RNPC3: variants seen among roughly 807,000 people sequenced by gnomAD.
RNPC3 encodes the protein RNA binding region (RNP1, RRM) containing 3, also known as RNA-binding region-containing protein 3.
A neutral mutation model predicts 67.5 loss-of-function variants in RNPC3; 48 were observed. That is an observed-to-expected ratio of 0.71 (90% CI 0.56 to 0.90). The LOEUF is 0.90. Among genes scored for constraint, RNPC3 ranks in the 40% least tolerant of loss-of-function variants. RNPC3 has a pLI of 0.00. For synonymous variants in RNPC3, 239 were observed against 210.3 expected (o/e 1.14, Z -1.18); for missense variants, 637 against 626.1 (o/e 1.02, Z -0.19).
chr1:103,529,373 G>C (rs996807284), intron 2 of RNPC3, among the ~76,000 whole-genome samples: 3 of 152,138 alleles, frequency 2.0e-5, no homozygotes, highest in Non-Finnish European at 4.4e-5. Context: ...AGAGGACATG[G>C]AGCCAGTCAT....
intron 14 of RNPC3, 121 bp downstream of exon 14, chr1:103,551,913 A>G (rs1312387981): frequency 8.8e-6 from 5 of 569,604 alleles, no homozygotes; most frequent in Non-Finnish European, 1.2e-5. Context: ...GGAAATACCT[A>G]TCTGTGCAGT....
chr1:103,534,802 GAA>G lies in RNPC3; in HGVS notation c.395_396del (p.Lys132ArgfsTer49). The G allele has an allele frequency of 6.5e-7, 1 of 1,528,458 alleles. No individual in the cohort carries two copies. The highest frequency in any genetic ancestry group is 8.8e-7 in the Non-Finnish European group (1 of 1,142,426). 94.7% of individuals were successfully genotyped at this position (1,528,458 alleles called of 1,614,324 possible). On this transcript the variant is annotated frameshift_variant, in exon 4 of 15. Transcript: ENST00000423855. LOFTEE classifies it high-confidence loss of function. ...RSDDPVEDDK[E>X]KKELGYLTVE... Reference sequence around the variant, plus strand: ...TGATGACCCTGTCGAAGATGATAAAGAAAAAAAAGAACTTGGTTATTTAACAG... The same window carrying G: ...TGATGACCCTGTCGAAGATGATAAAGAAAAAAGAACTTGGTTATTTAACAG...
At chr1:103,534,661 T>G in intron 3 of RNPC3, 113 bp from the exon 4 acceptor site, 1 of 643,948 alleles carries the variant, frequency 1.6e-6, no homozygotes, top group Non-Finnish European at 2.6e-6. Context: ...TTTTTTTTTT[T>G]TTTAATGAAG....
intron 11 of RNPC3, chr1:103,546,655 A>G (rs1288768102): frequency 1.9e-5 from 6 of 324,284 alleles, no homozygotes; most frequent in Non-Finnish European, 3.3e-5. Context: ...AAAGTGTGGC[A>G]GGATTGGTTC....
intron 2 of RNPC3, among the ~76,000 whole-genome samples, chr1:103,528,630 C>G (rs1650771504): frequency 6.6e-6 from 1 of 152,112 alleles, no homozygotes; most frequent in African/African-American, 2.4e-5. Flanking sequence ...GATGAATTCA[C>G]TTGTCATCTG....
In RNPC3 at chr1:103,534,853, C is replaced by T; in HGVS notation, c.439C>T (p.His147Tyr). The T allele has an allele frequency of 6.6e-7, 1 of 1,519,672 alleles. No individual in the cohort carries two copies. The allele number at this position is 1,519,672 out of a possible 1,614,324, so 94.1% of individuals were successfully genotyped here. A position where few individuals can be genotyped will look rare whatever the true frequency, so the allele number is the denominator to read the frequency against. The part of the protein sequence containing the change: ...LTVENGIAPN[H>Y]GLTFPLNSCL... ...AGTAGAAAATGGAATTGCACCAAAC[C>T]ATGGGTTAGCATTTTTGTTTGCTTT... is the stretch of plus-strand genomic sequence containing the variant. The change falls in exon 4 of 15, where the codon CAT (histidine) becomes TAT (tyrosine). Residue 147 changes from histidine (H) to tyrosine (Y), a missense_variant. This residue lies in a region of RNPC3 where 536 missense variants were observed against 500.3 expected (regional missense o/e 1.07). Coordinates refer to ENST00000423855, the MANE Select transcript of RNPC3 (RefSeq NM_017619.4).
At chr1:103,527,521 A>G (rs2101040776) in intron 1 of RNPC3, among the ~76,000 whole-genome samples, 174 bp from the exon 2 acceptor site, 1 of 152,332 alleles carries the variant, frequency 6.6e-6, no homozygotes, top group African/African-American at 2.4e-5. Context: ...GTCTGACTCA[A>G]AAAGTATTGA....
intron 4 of RNPC3, among the ~76,000 whole-genome samples, 160 bp from the exon 5 acceptor site, chr1:103,535,170 T>C (rs1305454952): frequency 6.6e-6 from 1 of 152,002 alleles, no homozygotes; most frequent in Non-Finnish European, 1.5e-5. Context: ...ATGCAGTAGC[T>C]TATTTTTCTT....
intron 2 of RNPC3, among the ~76,000 whole-genome samples, chr1:103,528,533 G>C (rs1165119122): frequency 6.6e-6 from 1 of 152,160 alleles, no homozygotes; most frequent in Non-Finnish European, 1.5e-5. Context: ...AGAGAGAATA[G>C]TTCAGGATAT....
chr1:103,530,554 G>T (rs1189221619), intron 2 of RNPC3, among the ~76,000 whole-genome samples: 1 of 152,142 alleles, frequency 6.6e-6, no homozygotes, highest in East Asian at 1.9e-4. Context: ...GTGATCATTG[G>T]ATTTGAAGTC....
chr1:103,541,168 ATTTGAGCTTTTATC>A (rs1651117113), intron 7 of RNPC3, among the ~76,000 whole-genome samples, 168 bp from the exon 8 acceptor site: 1 of 152,148 alleles, frequency 6.6e-6, no homozygotes, highest in Admixed American at 6.5e-5. Context: ...GCAATTTAGT[ATTTGAGCTTTTATC>A]AAATTGATTA....
chr1:103,533,125 T>C (rs534571954), intron 2 of RNPC3, among the ~76,000 whole-genome samples: 14 of 151,946 alleles, frequency 9.2e-5, no homozygotes, highest in Non-Finnish European at 1.8e-4. Flanking sequence ...GGATGGAATT[T>C]AGTATATAAG....
chr1:103,533,953 C>T lies in RNPC3; in HGVS notation c.359+96C>T, dbSNP rs1207719163. On this transcript the variant is annotated intron_variant, in intron 3 of 14. Transcript: ENST00000423855. ...AGTTATTGTATTGTTTTCAGACTAG[C>T]AAGTAATTGGAAGAGGAATGACAGA... The T allele has an allele frequency of 7.2e-6, 5 of 694,050 alleles. No individual in the cohort carries two copies. In the East Asian group the frequency reaches 8.2e-5, roughly 11 times the overall value. 43.0% of individuals were successfully genotyped at this position (694,050 alleles called of 1,614,324 possible). A position where few individuals can be genotyped will look rare whatever the true frequency, so the allele number is the denominator to read the frequency against.
At chr1:103,554,473 A>G (rs547756370) in intron 14 of RNPC3, 2 of 152,760 alleles carry the variant, frequency 1.3e-5, no homozygotes, top group African/African-American at 2.4e-5. Context: ...ATTTTAATAT[A>G]CAAACAAGGT....
At chr1:103,550,860 G>A (rs1168646628) in intron 12 of RNPC3, 81 bp from the exon 13 acceptor site, 2 of 1,401,616 alleles carry the variant, frequency 1.4e-6, no homozygotes, top group African/African-American at 1.4e-5. Context: ...ATTTGAAATA[G>A]CAAAATGTTA....
At chr1:103,549,995 C>T (rs1164696189) in intron 12 of RNPC3, among the ~76,000 whole-genome samples, 1 of 151,854 alleles carries the variant, frequency 6.6e-6, no homozygotes, top group African/African-American at 2.4e-5. Context: ...GAAACCCCAT[C>T]TCTACTAAAA....
At chr1:103,531,211 T>A (rs1238268761) in intron 2 of RNPC3, among the ~76,000 whole-genome samples, 1 of 151,876 alleles carries the variant, frequency 6.6e-6, no homozygotes, top group Non-Finnish European at 1.5e-5. Context: ...TTCCATGTTA[T>A]ATATATATAT....
At chr1:103,527,819 T>TG in intron 2 of RNPC3, 77 bp downstream of exon 2, 2 of 1,092,476 alleles carry the variant, frequency 1.8e-6, no homozygotes, top group Non-Finnish European at 2.7e-6. Flanking sequence ...TGTTTAACTG[T>TG]GGTTTTTAAG....
rs188456106 is a variant in RNPC3, at chr1:103,526,029, A to T, written c.-42A>T. The T allele has an allele frequency of 9.0e-6, 13 of 1,452,082 alleles. No individual in the cohort carries two copies. In the African/African-American group the frequency reaches 1.9e-4, roughly 21 times the overall value. The allele number at this position is 1,452,082 out of a possible 1,614,324, so 89.9% of individuals were successfully genotyped here. Reference sequence around the variant, plus strand: ...TGTGTTGATGCCGCGATTTTGACTGAGACTTCTTCCCACGATTTCTGTTTT... The same window carrying T: ...TGTGTTGATGCCGCGATTTTGACTGTGACTTCTTCCCACGATTTCTGTTTT... On this transcript the variant is annotated 5_prime_UTR_variant, in exon 1 of 15. Coordinates refer to ENST00000423855, the MANE Select transcript of RNPC3 (RefSeq NM_017619.4).
Sources: gnomAD v4.1 joint callset for allele counts (sites outside exome capture counted in the v4.1 genomes callset) on GRCh38, gnomAD v4.1.1 for gene constraint, gnomAD v4.1.1 regional missense constraint, MANE v1.5 for transcripts, NCBI Gene and HGNC (gene_info 2026-07-23, HGNC 2026-07-21) for gene names.